KCNQ1OT1: variants seen among roughly 807,000 people sequenced by gnomAD.
KCNQ1OT1 encodes the protein KCNQ1 opposite strand/antisense transcript 1, also known as KCNQ1 antisense RNA 2 (non-protein coding).
Position 2,670,374 on chromosome 11 carries a change from T to A in KCNQ1OT1, n.29621A>T. 1.0e-5 allele frequency: 4 copies of A among 398,452 alleles called. No individual in the cohort carries two copies. The highest frequency in any genetic ancestry group is 1.8e-5 in the Non-Finnish European group (4 of 226,056). 24.7% of individuals were successfully genotyped at this position (398,452 alleles called of 1,614,324 possible). On this transcript the variant is annotated non_coding_transcript_exon_variant, in exon 1 of 1. Coordinates refer to ENST00000597346, the Ensembl canonical transcript of KCNQ1OT1. This position sits in a 1 kb window ranked among gnomAD's most constrained non-coding sequence, Gnocchi z 4.9. ...TCAGATGGTTAGTATAGGCTGAAAT[T>A]CCAAGAGCATTAACCAGACACCTAC...
chr11:2,650,918 A>G (rs887418086), exon 1 of KCNQ1OT1: 1 of 398,618 alleles, frequency 2.5e-6, no homozygotes, highest in African/African-American at 2.1e-5. Flanking sequence ...AGCCTGGCTG[A>G]AAGTCTTTTT....
chr11:2,618,611 T>C (rs1053145571), exon 1 of KCNQ1OT1: 1 of 398,478 alleles, frequency 2.5e-6, no homozygotes, highest in African/African-American at 2.1e-5. Context: ...TTTTGTAAAA[T>C]AAACCAGAAA....
Position 2,659,940 on chromosome 11 carries a change from G to A in KCNQ1OT1, n.40055C>T. ...CATTCTTTATATATTCTGAGTGCAA[G>A]TCCTTGACCTGATAGGTGATATGCA... On this transcript the variant is annotated non_coding_transcript_exon_variant, in exon 1 of 1. Coordinates refer to ENST00000597346, the Ensembl canonical transcript of KCNQ1OT1. The surrounding 1 kb of genome is among the most constrained non-coding windows in gnomAD (Gnocchi z 4.3). 1 of 398,400 alleles carries A rather than the reference G, an allele frequency of 2.5e-6. No individual in the cohort carries two copies. The allele number at this position is 398,400 out of a possible 1,614,324, so 24.7% of individuals were successfully genotyped here.
In KCNQ1OT1 at chr11:2,608,391, T is replaced by G; in HGVS notation, n.91604A>C. 2.5e-6 allele frequency: 1 copy of G among 398,644 alleles called. No individual in the cohort carries two copies. The highest frequency in any genetic ancestry group is 4.4e-6 in the Non-Finnish European group (1 of 226,056). 24.7% of individuals were successfully genotyped at this position (398,644 alleles called of 1,614,324 possible). A position where few individuals can be genotyped will look rare whatever the true frequency, so the allele number is the denominator to read the frequency against. ...TCAATTTCATCTAAGTTTTATAATT[T>G]ATTGGCACAAAATTGTTCATAGTGT... On this transcript the variant is annotated non_coding_transcript_exon_variant, in exon 1 of 1. Transcript: ENST00000597346. This position sits in a 1 kb window ranked among gnomAD's most constrained non-coding sequence, Gnocchi z 4.6.
chr11:2,686,008 A>AG, exon 1 of KCNQ1OT1: 1 of 398,876 alleles, frequency 2.5e-6, no homozygotes, highest in East Asian at 3.6e-5. Flanking sequence ...AAGAAGAGTC[A>AG]GGGGGGCTCA....
At chr11:2,649,675 C>G (rs1849727897) in exon 1 of KCNQ1OT1, 1 of 398,582 alleles carries the variant, frequency 2.5e-6, no homozygotes, top group Non-Finnish European at 4.4e-6. Flanking sequence ...ATCTGTTAAT[C>G]TGCTGTTGAT....
chr11:2,655,187 T>G (rs951180644), exon 1 of KCNQ1OT1: 1 of 398,506 alleles, frequency 2.5e-6, no homozygotes, highest in African/African-American at 2.1e-5. Context: ...AGGGTGAGAC[T>G]TGGCAGCCAG....
rs1351753029 is a variant in KCNQ1OT1, at chr11:2,671,740, A to G, written n.28255T>C. ...GGTAGGCAAGGCTTTTCAGAGAACA[A>G]GGAGCTACATACACATACATGCATG... On this transcript the variant is annotated non_coding_transcript_exon_variant, in exon 1 of 1. Coordinates refer to ENST00000597346, the Ensembl canonical transcript of KCNQ1OT1. This position sits in a 1 kb window ranked among gnomAD's most constrained non-coding sequence, Gnocchi z 4.7. 2 of 398,576 alleles carry G rather than the reference A, an allele frequency of 5.0e-6. No homozygotes were observed. The highest frequency in any genetic ancestry group is 8.8e-6 in the Non-Finnish European group (2 of 226,112). The allele number at this position is 398,576 out of a possible 1,614,324, so 24.7% of individuals were successfully genotyped here.
rs995061185 is a variant in KCNQ1OT1 at position 2,687,633 on chromosome 11, C to G, written n.12362G>C. 3 of 398,452 alleles carry G rather than the reference C, an allele frequency of 7.5e-6. No homozygotes were observed. The highest frequency in any genetic ancestry group is 6.2e-4 in the Middle Eastern group (1 of 1,610). The allele number at this position is 398,452 out of a possible 1,614,324, so 24.7% of individuals were successfully genotyped here. A position where few individuals can be genotyped will look rare whatever the true frequency, so the allele number is the denominator to read the frequency against. On this transcript the variant is annotated non_coding_transcript_exon_variant, in exon 1 of 1. Transcript: ENST00000597346. This position sits in a 1 kb window ranked among gnomAD's most constrained non-coding sequence, Gnocchi z 5.0. ...GATCCCTTCTCCATTCCTCTCAGGC[C>G]CCTGTAAAAATTGGGACCTGTCCTT...
exon 1 of KCNQ1OT1, chr11:2,632,918 C>T (rs1310174811): frequency 1.8e-5 from 7 of 398,334 alleles, no homozygotes; most frequent in Non-Finnish European, 3.1e-5. Context: ...GATTTCCTTT[C>T]CTTTGAGTCA....
rs891666371 is a variant in KCNQ1OT1 at position 2,659,140 on chromosome 11, C to T, written n.40855G>A. ...TTAAATTTGCATACAGTAAAATCCA[C>T]TCTTTGAGATTCAGTTCTGTGGGTT... On this transcript the variant is annotated non_coding_transcript_exon_variant, in exon 1 of 1. Coordinates refer to ENST00000597346, the Ensembl canonical transcript of KCNQ1OT1. This position sits in a 1 kb window ranked among gnomAD's most constrained non-coding sequence, Gnocchi z 4.3. 1 of 398,598 alleles carries T rather than the reference C, an allele frequency of 2.5e-6. No homozygotes were observed. The highest frequency in any genetic ancestry group is 4.4e-6 in the Non-Finnish European group (1 of 226,048). The allele number at this position is 398,598 out of a possible 1,614,324, so 24.7% of individuals were successfully genotyped here.
chr11:2,651,698 G>T lies in KCNQ1OT1; in HGVS notation n.48297C>A. Reference sequence around the variant, plus strand: ...CGTGGCCCTCTGTTTCCTGTAATAGGCCATTTCCTAAGTAAGCATCATCCT... The same window carrying T: ...CGTGGCCCTCTGTTTCCTGTAATAGTCCATTTCCTAAGTAAGCATCATCCT... On this transcript the variant is annotated non_coding_transcript_exon_variant, in exon 1 of 1. Coordinates refer to ENST00000597346, the Ensembl canonical transcript of KCNQ1OT1. This position sits in a 1 kb window ranked among gnomAD's most constrained non-coding sequence, Gnocchi z 6.1. 2.5e-6 allele frequency: 1 copy of T among 398,532 alleles called. No individual in the cohort carries two copies. Among genetic ancestry groups the T allele is most frequent in the Non-Finnish European group, 4.4e-6 (1 of 226,056 alleles). The allele number at this position is 398,532 out of a possible 1,614,324, so 24.7% of individuals were successfully genotyped here. A position where few individuals can be genotyped will look rare whatever the true frequency, so the allele number is the denominator to read the frequency against.
chr11:2,695,511 A>G lies in KCNQ1OT1; in HGVS notation n.4484T>C, dbSNP rs912718902. ...GTGTACATCTAGTCCCCTGCTCCTA[A>G]CCACAGTGACCAGCTCCAACTGCCC... On this transcript the variant is annotated non_coding_transcript_exon_variant, in exon 1 of 1. Transcript: ENST00000597346. This position sits in a 1 kb window ranked among gnomAD's most constrained non-coding sequence, Gnocchi z 5.2. 9 of 398,256 alleles carry G rather than the reference A, an allele frequency of 2.3e-5. No homozygotes were observed. Among genetic ancestry groups the G allele is most frequent in the Non-Finnish European group, 3.5e-5 (8 of 226,052 alleles). The allele number at this position is 398,256 out of a possible 1,614,324, so 24.7% of individuals were successfully genotyped here. A position where few individuals can be genotyped will look rare whatever the true frequency, so the allele number is the denominator to read the frequency against.
Position 2,679,886 on chromosome 11 carries a change from ATTTT to A in KCNQ1OT1, n.20105_20108del, listed in dbSNP as rs144309171. ...TATAAACTTAGAACTAGCACGCCTA[ATTTT>A]TTTTTTATTTTTATTTTTTTTGAGG... On this transcript the variant is annotated non_coding_transcript_exon_variant, in exon 1 of 1. Coordinates refer to ENST00000597346, the Ensembl canonical transcript of KCNQ1OT1. This position sits in a 1 kb window ranked among gnomAD's most constrained non-coding sequence, Gnocchi z 4.8. The A allele has an allele frequency of 2.6e-6, 1 of 381,654 alleles. No individual in the cohort carries two copies. Among genetic ancestry groups the A allele is most frequent in the East Asian group, 3.7e-5 (1 of 27,024 alleles). The allele number at this position is 381,654 out of a possible 1,614,324, so 23.6% of individuals were successfully genotyped here. A position where few individuals can be genotyped will look rare whatever the true frequency, so the allele number is the denominator to read the frequency against.
chr11:2,618,786 T>TTAACAA, exon 1 of KCNQ1OT1: 1 of 398,444 alleles, frequency 2.5e-6, no homozygotes, highest in Non-Finnish European at 4.4e-6. Flanking sequence ...TATTGACATT[T>TTAACAA]TAACAATATT....
exon 1 of KCNQ1OT1, chr11:2,622,164 A>G: frequency 2.5e-6 from 1 of 398,322 alleles, no homozygotes; most frequent in East Asian, 3.6e-5. Flanking sequence ...GAAGTCCCTA[A>G]GTATTATTGT....
In KCNQ1OT1 at chr11:2,624,877, T is replaced by C. The variant is rs1849239026; in HGVS notation, n.75118A>G. ...GACTGCTGTATTTCATTTAACATAA[T>C]GGCCTCGAGGTTCATCCATGTTGTG... On this transcript the variant is annotated non_coding_transcript_exon_variant, in exon 1 of 1. Transcript: ENST00000597346. The surrounding 1 kb of genome is among the most constrained non-coding windows in gnomAD (Gnocchi z 4.9). 5.0e-6 allele frequency: 2 copies of C among 398,518 alleles called. No individual in the cohort carries two copies. Among genetic ancestry groups the C allele is most frequent in the South Asian group, 1.3e-4 (1 of 7,858 alleles). 24.7% of individuals were successfully genotyped at this position (398,518 alleles called of 1,614,324 possible).
At position 2,645,773 on chromosome 11, in the gene KCNQ1OT1, C is replaced by G. The variant is rs1849656322; in HGVS notation, n.54222G>C. The G allele has an allele frequency of 2.5e-6, 1 of 398,628 alleles. No individual in the cohort carries two copies. Among genetic ancestry groups the G allele is most frequent in the African/African-American group, 2.1e-5 (1 of 48,668 alleles). The allele number at this position is 398,628 out of a possible 1,614,324, so 24.7% of individuals were successfully genotyped here. ...GGGATGAGATAGAGGGATGTGGGGC[C>G]CACAGCAGATGCAGTCTGGTGGGGG... On this transcript the variant is annotated non_coding_transcript_exon_variant, in exon 1 of 1. Transcript: ENST00000597346. The surrounding 1 kb of genome is among the most constrained non-coding windows in gnomAD (Gnocchi z 5.8).
chr11:2,644,533 AT>A (rs1163733297), exon 1 of KCNQ1OT1: 1 of 397,982 alleles, frequency 2.5e-6, no homozygotes, highest in African/African-American at 2.1e-5. Context: ...ATTATATTGA[AT>A]TTTTCAAGGT....
Sources: gnomAD v4.1 joint callset for allele counts on GRCh38, gnomAD v4.1.1 for gene constraint, Gnocchi (gnomAD v3.1) non-coding constraint, MANE v1.5 for transcripts, NCBI Gene and HGNC (gene_info 2026-07-23, HGNC 2026-07-21) for gene names.